Variants in RNF17 observed in about 807,000 individuals in gnomAD.
The protein encoded by RNF17 is spermatogenesis associated 23.
RNF17 carries 31 observed loss-of-function variants against 200.5 expected under a neutral mutation model. That is an observed-to-expected ratio of 0.15 (90% confidence interval 0.12 to 0.21). The LOEUF (loss-of-function observed/expected upper bound fraction) is 0.21. Among genes scored for constraint, RNF17 ranks in the 10% least tolerant of loss-of-function variants. The pLI is 1.00. For synonymous variants in RNF17, 606 were observed against 637.8 expected (o/e 0.95, Z 0.75); for missense variants, 1,628 against 1,905.1 (o/e 0.85, Z 2.71).
At chr13:24,819,583 T>C (rs937124988) in intron 15 of RNF17, among the ~76,000 whole-genome samples, 18 of 152,214 alleles carry the variant, frequency 1.2e-4, no homozygotes, top group Admixed American at 1.2e-3. Context: ...CCTAAAGTTA[T>C]AACAATCCAA....
chr13:24,820,898 C>T (rs1887981319), intron 15 of RNF17, among the ~76,000 whole-genome samples: 1 of 151,972 alleles, frequency 6.6e-6, no homozygotes, highest in Non-Finnish European at 1.5e-5. Flanking sequence ...TGGGTTTATC[C>T]TATTTGGAGT....
chr13:24,762,091 G>A (rs147148376), upstream of RNF17, among the ~76,000 whole-genome samples: 832 of 152,250 alleles, frequency 5.5e-3, 7 homozygotes, highest in African/African-American at 0.018. Flanking sequence ...AATATGGGCC[G>A]GACGCGGTGG....
Position 24,799,524 on chromosome 13 carries a change from T to C in RNF17, c.1529T>C (p.Val510Ala). Residue 510 changes from valine to alanine, a missense_variant, in exon 12 of 36, where the codon GTT (valine) becomes GCT (alanine). Val to Ala is a moderately conservative substitution (Grantham distance 64). Around this residue, in one of 5 missense-constraint regions of RNF17, gnomAD observed 289 missense variants for 384.9 expected, o/e 0.75. Coordinates refer to ENST00000255324, the MANE Select transcript of RNF17 (RefSeq NM_031277.3). ...CCAACCAGATTATTTGTCCATGAAG[T>C]TGCACTAATACAAATATTCATGGTA... ...CSPTRLFVHEVALIQIFMVDF... is the reference protein window; with the variant it reads ...CSPTRLFVHEAALIQIFMVDF... 1 of 1,611,612 alleles carries C rather than the reference T, an allele frequency of 6.2e-7. No individual in the cohort carries two copies. The highest frequency in any genetic ancestry group is 1.1e-5 in the South Asian group (1 of 90,952).
intron 5 of RNF17, among the ~76,000 whole-genome samples, chr13:24,781,221 A>G (rs978979026): frequency 2.0e-5 from 3 of 152,012 alleles, no homozygotes; most frequent in Non-Finnish European, 4.4e-5. Flanking sequence ...ACGGGGTCCT[A>G]TCAAAGAGAA....
chr13:24,779,822 T>TA (rs1882101550), intron 5 of RNF17, 75 bp downstream of exon 5: 1 of 1,148,172 alleles, frequency 8.7e-7, no homozygotes, highest in African/African-American at 1.5e-5. Context: ...TTGGAGATGT[T>TA]ACCACTGAGG....
chr13:24,858,039 A>C (rs376916456), intron 25 of RNF17, among the ~76,000 whole-genome samples: 1 of 152,198 alleles, frequency 6.6e-6, no homozygotes, highest in African/African-American at 2.4e-5. Context: ...AAATGCTGCA[A>C]ATGCTTCCTG....
intron 13 of RNF17, among the ~76,000 whole-genome samples, chr13:24,801,500 G>A (rs1159964325): frequency 6.6e-6 from 1 of 152,160 alleles, no homozygotes; most frequent in Non-Finnish European, 1.5e-5. Flanking sequence ...AATTAGCCAG[G>A]TGTGGTAGTG....
chr13:24,787,112 A>T (rs1056976283), intron 6 of RNF17, among the ~76,000 whole-genome samples: 1 of 151,560 alleles, frequency 6.6e-6, no homozygotes, highest in African/African-American at 2.4e-5. Context: ...CCTTTGGTGG[A>T]TTTTTTAAAA....
intron 3 of RNF17, among the ~76,000 whole-genome samples, chr13:24,776,877 C>G (rs1475460330): frequency 6.6e-6 from 1 of 152,096 alleles, no homozygotes; most frequent in Non-Finnish European, 1.5e-5. Flanking sequence ...GTGAAATTTT[C>G]TGACACATGA....
At chr13:24,876,489 A>T (rs1447453808) in intron 33 of RNF17, among the ~76,000 whole-genome samples, 1 of 152,224 alleles carries the variant, frequency 6.6e-6, no homozygotes, top group Non-Finnish European at 1.5e-5. Context: ...TTAATTTTTG[A>T]GGAACCTCCA....
chr13:24,862,389 C>G (rs58206419), intron 27 of RNF17, among the ~76,000 whole-genome samples: 6,665 of 152,250 alleles, frequency 0.044, 457 homozygotes, highest in African/African-American at 0.15. Context: ...AGGCCTTGTA[C>G]AAGCACTGCA....
At chr13:24,791,063 G>A (rs1368137436) in intron 9 of RNF17, among the ~76,000 whole-genome samples, 1 of 152,200 alleles carries the variant, frequency 6.6e-6, no homozygotes, top group Non-Finnish European at 1.5e-5. Flanking sequence ...GTACAGTATA[G>A]TTCTAGGGAG....
At chr13:24,811,258 C>G (rs1886571248) in intron 15 of RNF17, among the ~76,000 whole-genome samples, 1 of 151,846 alleles carries the variant, frequency 6.6e-6, no homozygotes. Context: ...GTTCCATTCT[C>G]CCCGTCACTT....
At chr13:24,794,315 T>C in intron 10 of RNF17, 1 of 413,650 alleles carries the variant, frequency 2.4e-6, no homozygotes, top group Non-Finnish European at 4.7e-6. Context: ...TCTTACCTAG[T>C]GTGAGGTAGT....
At chr13:24,883,954 T>G (rs1953936225), downstream of RNF17, 1 of 1,614,018 alleles carries the variant, frequency 6.2e-7, no homozygotes, top group Non-Finnish European at 8.5e-7. Context: ...GAACATAATG[T>G]TGCCATACCG....
chr13:24,832,894 C>T (rs1217048392), intron 18 of RNF17, among the ~76,000 whole-genome samples: 1 of 152,130 alleles, frequency 6.6e-6, no homozygotes, highest in Non-Finnish European at 1.5e-5. Context: ...CAGGCATATG[C>T]CACCATGGCC....
chr13:24,753,872 A>T, the RNF17 span, among the ~76,000 whole-genome samples: 1 of 152,086 alleles, frequency 6.6e-6, no homozygotes, highest in African/African-American at 2.4e-5. Flanking sequence ...AAATATGAAA[A>T]CTGGCCGGGC....
chr13:24,836,228 C>T (rs960967367), intron 18 of RNF17, among the ~76,000 whole-genome samples: 3 of 152,170 alleles, frequency 2.0e-5, no homozygotes, highest in African/African-American at 7.2e-5. Context: ...AAAACTTCCC[C>T]AGCCTTGCTA....
chr13:24,796,044 G>A, intron 10 of RNF17, 93 bp from the exon 11 acceptor site: 1 of 904,850 alleles, frequency 1.1e-6, no homozygotes, highest in Non-Finnish European at 1.6e-6. Flanking sequence ...AATGCCATAA[G>A]ACACTCTTTT....
Sources: allele counts gnomAD v4.1 joint callset (sites outside exome capture counted in the v4.1 genomes callset), GRCh38; gene constraint gnomAD v4.1.1; regional missense constraint gnomAD v4.1.1; transcripts MANE v1.5; gene names NCBI Gene and HGNC (gene_info 2026-07-23, HGNC 2026-07-21).